THRB: variants seen among roughly 807,000 people sequenced by gnomAD.
THRB encodes nuclear receptor subfamily 1 group A member 2.
In THRB, 12 loss-of-function variants were observed where a neutral mutation model predicts 47.8. That is an observed-to-expected ratio of 0.25 (90% CI 0.16 to 0.41). The LOEUF is 0.41. Ranked by LOEUF, THRB falls within the 10% of genes least tolerant of loss-of-function variation. The pLI is 1.00. For synonymous variants in THRB, 218 were observed against 212.2 expected (o/e 1.03, Z -0.24); for missense variants, 348 against 589.2 (o/e 0.59, Z 4.24).
chr3:24,148,149 CAG>C (rs1359998988), intron 6 of THRB, among the ~76,000 whole-genome samples: 1 of 152,098 alleles, frequency 6.6e-6, no homozygotes, highest in Admixed American at 6.5e-5. Context: ...TTTTTTGAGA[CAG>C]AGTCTCGCTC....
intron 1 of THRB, among the ~76,000 whole-genome samples, chr3:24,473,785 G>A (rs529977417): frequency 2.6e-5 from 4 of 151,904 alleles, no homozygotes; most frequent in Admixed American, 1.3e-4. Flanking sequence ...CATGTCCTTT[G>A]CAGGGACATA....
intron 8 of THRB, among the ~76,000 whole-genome samples, chr3:24,134,393 CTTGTCTTT>C (rs1043763869): frequency 3.3e-5 from 5 of 152,168 alleles, no homozygotes; most frequent in African/African-American, 1.2e-4. Flanking sequence ...ACTTCTCCTC[CTTGTCTTT>C]GTGATGATCA....
At chr3:24,156,122 C>T (rs1559472440) in intron 5 of THRB, among the ~76,000 whole-genome samples, 1 of 152,326 alleles carries the variant, frequency 6.6e-6, no homozygotes, top group South Asian at 2.1e-4. Context: ...TAAGTATTAT[C>T]TTGAATATCT....
intron 1 of THRB, among the ~76,000 whole-genome samples, chr3:24,488,295 A>G (rs1011243245): frequency 3.9e-5 from 6 of 152,214 alleles, no homozygotes; most frequent in African/African-American, 1.4e-4. Flanking sequence ...AAGTTGAATG[A>G]GCAATTCAGT....
At chr3:24,422,641 C>T (rs547640672) in intron 1 of THRB, among the ~76,000 whole-genome samples, 3 of 151,998 alleles carry the variant, frequency 2.0e-5, no homozygotes, top group South Asian at 2.1e-4. Context: ...CTTTTTTCAG[C>T]TGCTGCTGAA....
chr3:24,465,225 T>C (rs62228847), intron 1 of THRB, among the ~76,000 whole-genome samples: 2,866 of 152,282 alleles, frequency 0.019, 35 homozygotes, highest in Non-Finnish European at 0.03. Flanking sequence ...GGGTCGATGA[T>C]TTTGCTCAGG....
chr3:24,225,472 A>G (rs534642499), intron 4 of THRB, among the ~76,000 whole-genome samples: 1 of 152,348 alleles, frequency 6.6e-6, no homozygotes, highest in African/African-American at 2.4e-5. Context: ...AAATTACTGG[A>G]GGCCCAGTTT....
At chr3:24,460,902 T>G (rs2073636242) in intron 1 of THRB, among the ~76,000 whole-genome samples, 1 of 152,162 alleles carries the variant, frequency 6.6e-6, no homozygotes, top group African/African-American at 2.4e-5. Context: ...TAGCAGAAGA[T>G]TTGCATTTTA....
intron 1 of THRB, among the ~76,000 whole-genome samples, chr3:24,493,111 A>T (rs1698426556): frequency 6.6e-6 from 1 of 152,340 alleles, no homozygotes; most frequent in East Asian, 1.9e-4. Context: ...TGTTTGACTC[A>T]ATTAAAACAC....
intron 1 of THRB, among the ~76,000 whole-genome samples, chr3:24,471,751 T>C (rs1694742842): frequency 6.6e-6 from 1 of 152,208 alleles, no homozygotes; most frequent in Non-Finnish European, 1.5e-5. Flanking sequence ...ATGCATATGG[T>C]TGTTCAACTT....
At chr3:24,127,048 G>A (rs1361329744) in intron 10 of THRB, among the ~76,000 whole-genome samples, 1 of 152,190 alleles carries the variant, frequency 6.6e-6, no homozygotes, top group Non-Finnish European at 1.5e-5. Flanking sequence ...TTGGGTCGGT[G>A]TGCTATTTAG....
intron 3 of THRB, among the ~76,000 whole-genome samples, chr3:24,251,235 T>C (rs1444582255): frequency 6.6e-6 from 1 of 152,116 alleles, no homozygotes; most frequent in East Asian, 1.9e-4. Context: ...TTAAATGTCA[T>C]AGTTTTATAC....
At chr3:24,171,872 G>C (rs2040489071) in intron 5 of THRB, among the ~76,000 whole-genome samples, 2 of 152,100 alleles carry the variant, frequency 1.3e-5, no homozygotes, top group African/African-American at 4.8e-5. Flanking sequence ...TACTGTAATG[G>C]TGTAATTCTT....
At chr3:24,186,121 G>A (rs894091386) in intron 5 of THRB, among the ~76,000 whole-genome samples, 4 of 152,292 alleles carry the variant, frequency 2.6e-5, no homozygotes, top group Admixed American at 2.0e-4. Context: ...TGTGCAACGA[G>A]TTGAAGAGTA....
intron 1 of THRB, among the ~76,000 whole-genome samples, chr3:24,474,432 T>G (rs1276789964): frequency 2.6e-5 from 4 of 152,170 alleles, no homozygotes; most frequent in African/African-American, 9.7e-5. Context: ...AATCACAGTA[T>G]TTTTTACTGC....
chr3:24,257,910 G>A (rs912472157), intron 3 of THRB, among the ~76,000 whole-genome samples: 3 of 152,230 alleles, frequency 2.0e-5, no homozygotes, highest in Admixed American at 6.5e-5. Context: ...GCAATTAGAA[G>A]CTCAGTTATG....
At chr3:24,209,397 T>C (rs2045767754) in intron 4 of THRB, among the ~76,000 whole-genome samples, 1 of 152,222 alleles carries the variant, frequency 6.6e-6, no homozygotes. Context: ...TGTGGCACTA[T>C]TCACAATAGC....
At chr3:24,274,560 C>A (rs1559797131) in intron 3 of THRB, among the ~76,000 whole-genome samples, 1 of 152,116 alleles carries the variant, frequency 6.6e-6, no homozygotes, top group Non-Finnish European at 1.5e-5. Context: ...TCACTCCTTT[C>A]CATTTTCCTT....
intron 9 of THRB, among the ~76,000 whole-genome samples, chr3:24,129,814 G>A (rs918076659): frequency 1.3e-5 from 2 of 152,210 alleles, no homozygotes; most frequent in African/African-American, 2.4e-5. Context: ...CTGCACTCTA[G>A]GAGTGGTTTT....
Sources: allele counts gnomAD v4.1 joint callset (sites outside exome capture counted in the v4.1 genomes callset), GRCh38; gene constraint gnomAD v4.1.1; transcripts MANE v1.5; gene names NCBI Gene and HGNC (gene_info 2026-07-23, HGNC 2026-07-21).